Variants in GPR161 observed in about 807,000 individuals in gnomAD.
GPR161 encodes the protein G protein-coupled receptor 161, also known as G-protein coupled receptor RE2.
GPR161 carries 25 observed loss-of-function variants against 39.2 expected under a neutral mutation model. The observed-to-expected ratio is 0.64, with a 90% confidence interval of 0.47 to 0.89. GPR161 has a LOEUF of 0.89. Ranked by LOEUF, GPR161 falls within the 40% of genes least tolerant of loss-of-function variation. GPR161 has a pLI of 0.00. For missense variants in GPR161, 547 were observed against 677.8 expected (o/e 0.81, Z 2.14); for synonymous variants, 286 against 276.6 (o/e 1.03, Z -0.34).
rs542430710 is a variant in GPR161, at chr1:168,114,202, T to G, written c.-44-9308A>C. Among the ~76,000 whole-genome samples, 10 of 152,288 alleles carry G rather than the reference T, an allele frequency of 6.6e-5. No individual in the cohort carries two copies. The East Asian group carries it at 1.7e-3, about 26-fold the overall frequency. On this transcript the variant is annotated intron_variant, in intron 1 of 5. Coordinates refer to ENST00000682931, the MANE Select transcript of GPR161 (RefSeq NM_001375883.1). ...ATATTTTTACCTAAAACTCTTTCAT[T>G]TTGATTGTCTTAAGGTGGAAATTTC...
At position 168,100,776 on chromosome 1, in the gene GPR161, T is replaced by C. The variant is rs538692832; in HGVS notation, c.375-3544A>G. Among the ~76,000 whole-genome samples the C allele has an allele frequency of 3.3e-5, 5 of 152,370 alleles. No homozygotes were observed. The East Asian group carries it at 7.7e-4, about 24-fold the overall frequency. ...CATCCCATTGTTCTAGCTACTTTCA[T>C]GTACTGAAATTCTATTTTTAGACCT... On this transcript the variant is annotated intron_variant, in intron 2 of 5. Transcript: ENST00000682931.
chr1:168,115,932 C>G (rs552095456), intron 1 of GPR161, among the ~76,000 whole-genome samples: 3 of 152,234 alleles, frequency 2.0e-5, no homozygotes, highest in East Asian at 1.9e-4. Context: ...CCCGCCACCA[C>G]GCCCGGCTAA....
chr1:168,093,929 GAACC>G (rs1398602437), intron 3 of GPR161, among the ~76,000 whole-genome samples: 1 of 152,118 alleles, frequency 6.6e-6, no homozygotes, highest in Non-Finnish European at 1.5e-5. Flanking sequence ...AGAACAAGAA[GAACC>G]ATCCCCCACC....
rs140988380 is a variant in GPR161 at position 168,131,924 on chromosome 1, A to T, written c.-45+4815T>A. ...TTGATGGAGGAATTAGAGGAAGTGTAAGCAATCAATTTAGAGTAAACTTGG... is the reference window on the plus strand; with the variant it reads ...TTGATGGAGGAATTAGAGGAAGTGTTAGCAATCAATTTAGAGTAAACTTGG... On this transcript the variant is annotated intron_variant, in intron 1 of 5. Transcript: ENST00000682931. Among the ~76,000 whole-genome samples the T allele has an allele frequency of 1.7e-3, 265 of 152,334 alleles. 1 individual carries two copies. The highest frequency in any genetic ancestry group is 5.9e-3 in the African/African-American group (246 of 41,584).
Position 168,081,087 on chromosome 1 carries a change from C to T in GPR161, c.*4444G>A, listed in dbSNP as rs1349577203. On this transcript the variant is annotated 3_prime_UTR_variant, in exon 6 of 6. Coordinates refer to ENST00000682931, the MANE Select transcript of GPR161 (RefSeq NM_001375883.1). Reference sequence around the variant, plus strand: ...CCATATTGGTCAGGCTGGTCTCGAACTCCTGACCTCAGGTGATCTGCCCAT... The same window carrying T: ...CCATATTGGTCAGGCTGGTCTCGAATTCCTGACCTCAGGTGATCTGCCCAT... 4 of 152,196 alleles carry T rather than the reference C, an allele frequency of 2.6e-5. No homozygotes were observed. The highest frequency in any genetic ancestry group is 1.5e-5 in the Non-Finnish European group (1 of 68,080). The allele number at this position is 152,196 out of a possible 1,614,324, so 9.4% of individuals were successfully genotyped here.
At chr1:168,087,789 C>T in intron 4 of GPR161, 85 bp from the exon 5 acceptor site, 1 of 1,366,754 alleles carries the variant, frequency 7.3e-7, no homozygotes, top group South Asian at 1.4e-5. Flanking sequence ...CCCTTCCACC[C>T]CTCTTCTCCC....
intron 1 of GPR161, chr1:168,135,961 G>T: frequency 1.0e-6 from 1 of 983,460 alleles, no homozygotes; most frequent in Non-Finnish European, 1.3e-6. Context: ...GCAGCTATGT[G>T]GTTACTGGTG....
intron 2 of GPR161, among the ~76,000 whole-genome samples, chr1:168,103,427 G>GGAAA (rs1553264449): frequency 3.1e-4 from 36 of 117,330 alleles, no homozygotes; most frequent in African/African-American, 1.1e-3. Flanking sequence ...ACTACTCAGG[G>GGAAA]AAAAAAAAAA....
chr1:168,125,927 T>TCCCCTATAAA (rs1698556637), intron 1 of GPR161, among the ~76,000 whole-genome samples: 1 of 152,076 alleles, frequency 6.6e-6, no homozygotes, highest in Non-Finnish European at 1.5e-5. Flanking sequence ...TATTTTTATT[T>TCCCCTATAAA]CCCCTATAAA....
chr1:168,100,995 C>T (rs1282800597), intron 2 of GPR161, among the ~76,000 whole-genome samples: 1 of 152,138 alleles, frequency 6.6e-6, no homozygotes, highest in Non-Finnish European at 1.5e-5. Flanking sequence ...TGGTTTAGGA[C>T]ATTGACAAAC....
Position 168,085,806 on chromosome 1 carries a change from AAGGC to A in GPR161, c.1325-14_1325-11del. On this transcript the variant is annotated splice_polypyrimidine_tract_variant and intron_variant, in intron 5 of 5. Transcript: ENST00000682931. ...GAGTTCTTGGCAGCTTCTGAGGGAGAAGGCAGAAAAAAAAGTCAGCTGAGGAGCC... is the reference window on the plus strand; with the variant it reads ...GAGTTCTTGGCAGCTTCTGAGGGAGAAGAAAAAAAAGTCAGCTGAGGAGCC... 6.2e-7 allele frequency: 1 copy of A among 1,603,818 alleles called. No homozygotes were observed. The highest frequency in any genetic ancestry group is 8.5e-7 in the Non-Finnish European group (1 of 1,172,394).
intron 4 of GPR161, chr1:168,089,457 CTCACCCCTGAGT>C (rs1345620733): frequency 1.3e-5 from 2 of 152,236 alleles, no homozygotes; most frequent in African/African-American, 4.8e-5. Context: ...AACCCCAAGG[CTCACCCCTGAGT>C]TCCATGACAC....
At position 168,083,309 on chromosome 1, in the gene GPR161, A is replaced by G. The variant is rs7414784; in HGVS notation, c.*2222T>C. Reference sequence around the variant, plus strand: ...TATTTCTAGATTTAGATTAAATTCTATAATAGCCCAGCTAGTGTGGGGTCA... The same window carrying G: ...TATTTCTAGATTTAGATTAAATTCTGTAATAGCCCAGCTAGTGTGGGGTCA... On this transcript the variant is annotated 3_prime_UTR_variant, in exon 6 of 6. Transcript: ENST00000682931. 10,530 of 152,318 alleles carry G rather than the reference A, an allele frequency of 0.069. 525 individuals carry two copies. Among genetic ancestry groups the G allele is most frequent in the Non-Finnish European group, 0.1 (7,077 of 68,036 alleles). The allele number at this position is 152,318 out of a possible 1,614,324, so 9.4% of individuals were successfully genotyped here.
intron 1 of GPR161, among the ~76,000 whole-genome samples, chr1:168,110,187 C>G (rs1696992709): frequency 6.6e-6 from 1 of 151,060 alleles, no homozygotes; most frequent in Admixed American, 6.6e-5. Context: ...GGAGAACTGA[C>G]TTCCAAAAAC....
chr1:168,087,454 A>G, intron 5 of GPR161, 131 bp downstream of exon 5: 1 of 1,065,252 alleles, frequency 9.4e-7, no homozygotes, highest in African/African-American at 1.5e-5. Flanking sequence ...GGCTGGGAGT[A>G]ACCAGGGAGT....
At chr1:168,091,244 A>T (rs1695032590) in intron 3 of GPR161, among the ~76,000 whole-genome samples, 1 of 152,198 alleles carries the variant, frequency 6.6e-6, no homozygotes, top group Non-Finnish European at 1.5e-5. Context: ...GCCAGGAGCC[A>T]CTGCTCTTCT....
rs944524573 is a variant in GPR161, at chr1:168,124,301, C to T, written c.-45+12438G>A. Among the ~76,000 whole-genome samples, 4 of 152,156 alleles carry T rather than the reference C, an allele frequency of 2.6e-5. No homozygotes were observed. The East Asian group carries it at 7.7e-4, about 29-fold the overall frequency. ...ATGCACTAACACTCAAGCTAATCCT[C>T]AGGAAATGCTCCATTCTAGATAGCT... On this transcript the variant is annotated intron_variant, in intron 1 of 5. Transcript: ENST00000682931.
Position 168,084,883 on chromosome 1 carries a change from T to G in GPR161, c.*648A>C. ...CTTGTCAGTAGGGAAGTAGGCAGGG[T>G]GGGCCAGTCTGCAAGAGGCCTGTGG... is the stretch of plus-strand genomic sequence containing the variant. On this transcript the variant is annotated 3_prime_UTR_variant, in exon 6 of 6. Transcript: ENST00000682931. 1 of 456,260 alleles carries G rather than the reference T, an allele frequency of 2.2e-6. No individual in the cohort carries two copies. Among genetic ancestry groups the G allele is most frequent in the South Asian group, 1.5e-5 (1 of 64,564 alleles). The allele number at this position is 456,260 out of a possible 1,614,324, so 28.3% of individuals were successfully genotyped here. A position where few individuals can be genotyped will look rare whatever the true frequency, so the allele number is the denominator to read the frequency against.
chr1:168,127,354 G>T (rs1019632102), intron 1 of GPR161, among the ~76,000 whole-genome samples: 4 of 151,770 alleles, frequency 2.6e-5, no homozygotes, highest in African/African-American at 9.7e-5. Flanking sequence ...GCATGATGGT[G>T]GGCACCTGTA....
Sources: allele counts gnomAD v4.1 joint callset (sites outside exome capture counted in the v4.1 genomes callset), GRCh38; gene constraint gnomAD v4.1.1; transcripts MANE v1.5; gene names NCBI Gene and HGNC (gene_info 2026-07-23, HGNC 2026-07-21).